Variants in NKAIN2 observed in about 807,000 individuals in gnomAD.
NKAIN2 encodes the protein sodium/potassium transporting ATPase interacting 2.
Under a neutral mutation model 32.6 loss-of-function variants are expected in NKAIN2, and 14 were observed. That is an observed-to-expected ratio of 0.43 (90% CI 0.28 to 0.67). The LOEUF is 0.67. Ranked by LOEUF, NKAIN2 falls within the 30% of genes least tolerant of loss-of-function variation. The probability of loss-of-function intolerance (pLI) is 0.17; values close to 1 mark genes in which losing one functional copy is unlikely to be tolerated. For synonymous variants in NKAIN2, 80 were observed against 87.2 expected (o/e 0.92, Z 0.46); for missense variants, 198 against 258.3 (o/e 0.77, Z 1.60).
rs1247374901 is a variant in NKAIN2, at chr6:123,976,362, TATATATTCCC to T, written c.54+172115_54+172124del. Among the ~76,000 whole-genome samples the T allele has an allele frequency of 6.6e-3, 176 of 26,666 alleles. 31 individuals carry two copies. The highest frequency in any genetic ancestry group is 9.8e-3 in the Non-Finnish European group (140 of 14,284). 17.5% of individuals were successfully genotyped at this position (26,666 alleles called of 152,430 possible). On this transcript the variant is annotated intron_variant, in intron 1 of 6. Transcript: ENST00000368417. The stretch of plus-strand genomic sequence containing the variant: ...ATATATGTTCCCATATATATATATA[TATATATTCCC>T]ATATATATATATATATATATATATA...
chr6:124,299,394 A>C (rs1796203591), intron 2 of NKAIN2, among the ~76,000 whole-genome samples: 2 of 152,204 alleles, frequency 1.3e-5, no homozygotes, highest in Admixed American at 6.5e-5. Context: ...TGGACTCTAG[A>C]GTTTGTTTTT....
intron 5 of NKAIN2, among the ~76,000 whole-genome samples, chr6:124,808,019 G>T (rs1378501003): frequency 6.7e-6 from 1 of 149,888 alleles, no homozygotes; most frequent in African/African-American, 2.4e-5. Flanking sequence ...AAGAGTCCAG[G>T]ACCAGATGGA....
intron 3 of NKAIN2, among the ~76,000 whole-genome samples, chr6:124,388,400 A>G (rs1224593449): frequency 6.8e-6 from 1 of 146,506 alleles, no homozygotes; most frequent in Non-Finnish European, 1.5e-5. Context: ...GTTCTTTCTC[A>G]GAGTCTTTGA....
At chr6:124,294,066 A>G (rs1448086827) in intron 2 of NKAIN2, among the ~76,000 whole-genome samples, 1 of 152,110 alleles carries the variant, frequency 6.6e-6, no homozygotes, top group Non-Finnish European at 1.5e-5. Flanking sequence ...TTATTTTAAA[A>G]AATGTTTATT....
chr6:124,295,366 G>A (rs2114959517), intron 2 of NKAIN2, among the ~76,000 whole-genome samples: 1 of 152,158 alleles, frequency 6.6e-6, no homozygotes, highest in East Asian at 1.9e-4. Context: ...TCAAAGGCAT[G>A]AGAAGCTCTG....
At chr6:124,165,461 G>T (rs535962444) in intron 1 of NKAIN2, among the ~76,000 whole-genome samples, 1 of 151,950 alleles carries the variant, frequency 6.6e-6, no homozygotes, top group Non-Finnish European at 1.5e-5. Flanking sequence ...TGAAAATGAT[G>T]TGTTAGTAAA....
chr6:124,306,660 T>C (rs984244355), intron 2 of NKAIN2, among the ~76,000 whole-genome samples: 1 of 152,116 alleles, frequency 6.6e-6, no homozygotes, highest in African/African-American at 2.4e-5. Context: ...AAGACATATA[T>C]ATTCATTTTC....
intron 1 of NKAIN2, among the ~76,000 whole-genome samples, chr6:123,976,343 GTTCCCATATATATATATATATATA>G (rs1276228155): frequency 0.024 from 195 of 8,098 alleles, 20 homozygotes; most frequent in Middle Eastern, 0.12. Context: ...ATATATATAT[GTTCCCATATATATATATATATATA>G]TTCCCATATA....
intron 1 of NKAIN2, among the ~76,000 whole-genome samples, chr6:123,874,677 ATAT>A (rs1301017680): frequency 1.2e-4 from 19 of 152,282 alleles, no homozygotes; most frequent in Admixed American, 3.3e-4. Flanking sequence ...AGATGCAAAA[ATAT>A]TATGTGAAAA....
intron 4 of NKAIN2, among the ~76,000 whole-genome samples, chr6:124,687,825 T>A (rs1481587234): frequency 7.0e-6 from 1 of 142,706 alleles, no homozygotes; most frequent in African/African-American, 2.6e-5. Context: ...CCCTGACTAA[T>A]ACAATACCCA....
At chr6:124,058,301 GGAAA>G in intron 1 of NKAIN2, among the ~76,000 whole-genome samples, 1 of 150,666 alleles carries the variant, frequency 6.6e-6, no homozygotes, top group East Asian at 2.0e-4. Context: ...GGAGTCATGA[GGAAA>G]GAAAGAAAGG....
chr6:123,934,995 A>T (rs1287107594), intron 1 of NKAIN2, among the ~76,000 whole-genome samples: 4 of 149,634 alleles, frequency 2.7e-5, no homozygotes, highest in Admixed American at 2.0e-4. Context: ...TAACTTTATC[A>T]GACTGACATC....
intron 3 of NKAIN2, among the ~76,000 whole-genome samples, chr6:124,445,794 A>G (rs972631889): frequency 2.6e-5 from 4 of 152,140 alleles, no homozygotes; most frequent in Non-Finnish European, 5.9e-5. Flanking sequence ...AAAAAAAAAA[A>G]ACAGACACTG....
chr6:124,620,076 G>C (rs1783051099), intron 3 of NKAIN2, among the ~76,000 whole-genome samples: 1 of 151,508 alleles, frequency 6.6e-6, no homozygotes, highest in Non-Finnish European at 1.5e-5. Flanking sequence ...AAATATCAGA[G>C]TCCTTTCCCT....
chr6:124,262,633 T>C (rs1434633182), intron 1 of NKAIN2, among the ~76,000 whole-genome samples: 1 of 152,180 alleles, frequency 6.6e-6, no homozygotes, highest in African/African-American at 2.4e-5. Flanking sequence ...AAGGGATTTA[T>C]CACATATGAG....
chr6:124,002,391 T>C (rs1779915109), intron 1 of NKAIN2, among the ~76,000 whole-genome samples: 1 of 152,134 alleles, frequency 6.6e-6, no homozygotes, highest in Non-Finnish European at 1.5e-5. Flanking sequence ...CTGAGGAAAT[T>C]ACAAAGAACT....
chr6:124,171,717 A>AT (rs1165899641), intron 1 of NKAIN2, among the ~76,000 whole-genome samples: 4 of 135,758 alleles, frequency 2.9e-5, no homozygotes, highest in Admixed American at 1.5e-4. Flanking sequence ...CGCCCGGCTA[A>AT]TTTTTTTGTA....
chr6:124,605,901 A>G (rs568568769), intron 3 of NKAIN2, among the ~76,000 whole-genome samples: 12 of 152,108 alleles, frequency 7.9e-5, no homozygotes, highest in Non-Finnish European at 2.9e-5. Context: ...TTTTTAGTGG[A>G]ATTACTATAG....
intron 4 of NKAIN2, among the ~76,000 whole-genome samples, chr6:124,732,603 G>T (rs1038061708): frequency 2.0e-5 from 3 of 151,934 alleles, no homozygotes; most frequent in Non-Finnish European, 4.4e-5. Flanking sequence ...TCTTAAAAAA[G>T]TAATAACTCA....
Sources: gnomAD v4.1 joint callset for allele counts (sites outside exome capture counted in the v4.1 genomes callset) on GRCh38, gnomAD v4.1.1 for gene constraint, MANE v1.5 for transcripts, NCBI Gene and HGNC (gene_info 2026-07-23, HGNC 2026-07-21) for gene names.